Variants in SOX6 observed in about 807,000 individuals in gnomAD.
SOX6 encodes the protein transcription factor SOX-6.
A neutral mutation model predicts 97.8 loss-of-function variants in SOX6; 11 were observed. The ratio of observed to expected loss-of-function variants is 0.11; its 90% CI spans 0.07 to 0.19. The LOEUF is 0.19. SOX6 is among the 10% of genes least tolerant of loss of function. SOX6 has a pLI of 1.00. For synonymous variants in SOX6, 360 were observed against 371.4 expected, an observed-to-expected ratio of 0.97 and a Z score of 0.35; for missense variants, 810 against 1,039.5, an observed-to-expected ratio of 0.78 and a Z score of 3.04.
chr11:16,422,178 GA>G (rs1433268157), intron 1 of SOX6, among the ~76,000 whole-genome samples: 1 of 152,132 alleles, frequency 6.6e-6, no homozygotes, highest in Non-Finnish European at 1.5e-5. Flanking sequence ...TGGGTACATT[GA>G]AATAGTCTTT....
At chr11:16,122,122 C>T (rs1849509469) in intron 6 of SOX6, among the ~76,000 whole-genome samples, 1 of 151,956 alleles carries the variant, frequency 6.6e-6, no homozygotes, top group Non-Finnish European at 1.5e-5. Context: ...CAGCAAATCT[C>T]AATTTTTGCA....
intron 3 of SOX6, among the ~76,000 whole-genome samples, chr11:16,296,395 G>A (rs895111147): frequency 6.6e-6 from 1 of 152,096 alleles, no homozygotes; most frequent in Admixed American, 6.6e-5. Context: ...CACAAGTTGT[G>A]TTGTAATCAA....
chr11:16,171,348 T>C (rs1203948207), intron 6 of SOX6, among the ~76,000 whole-genome samples: 2 of 152,022 alleles, frequency 1.3e-5, no homozygotes, highest in Non-Finnish European at 2.9e-5. Context: ...GAAGCCAGTA[T>C]TGTAGTAGTT....
intron 1 of SOX6, among the ~76,000 whole-genome samples, chr11:16,427,094 C>A (rs965014119): frequency 6.6e-6 from 1 of 151,938 alleles, no homozygotes; most frequent in Non-Finnish European, 1.5e-5. Context: ...ACACCAGAAG[C>A]AATTGCAACA....
chr11:16,717,757 A>C (rs959709903), intron 2 of SOX6, among the ~76,000 whole-genome samples: 1 of 152,116 alleles, frequency 6.6e-6, no homozygotes, highest in Admixed American at 6.6e-5. Flanking sequence ...TCCTTCTAGA[A>C]ATGCACCTAC....
At chr11:16,534,220 T>C (rs1861276237) in intron 4 of SOX6, among the ~76,000 whole-genome samples, 1 of 152,134 alleles carries the variant, frequency 6.6e-6, no homozygotes, top group South Asian at 2.1e-4. Context: ...AGTCTTCATA[T>C]AGAAAAACCT....
chr11:16,055,362 A>G (rs1355806990), intron 10 of SOX6, among the ~76,000 whole-genome samples: 1 of 152,150 alleles, frequency 6.6e-6, no homozygotes, highest in Admixed American at 6.6e-5. Context: ...TAATGTTTCA[A>G]TATCCCAATT....
At position 15,973,061 on chromosome 11, in the gene SOX6, A is replaced by G. The variant is rs759780547; in HGVS notation, c.2235T>C (p.Gly745=). The change falls in exon 16 of 16, where the codon GGT becomes GGC. Residue 745 remains glycine (G), a synonymous_variant. Transcript: ENST00000683767. ...ITTGTGVVYP[G]AITMATTTPS... is the part of the protein sequence containing the mutation. ...GTGTGGTAGTTGCCATAGTGATAGC[A>G]CCAGGATACACAACACCTGTTCCTG... 1 of 1,614,182 alleles carries G rather than the reference A, an allele frequency of 6.2e-7. No individual in the cohort carries two copies. The highest frequency in any genetic ancestry group is 1.1e-5 in the South Asian group (1 of 91,076).
intron 4 of SOX6, among the ~76,000 whole-genome samples, chr11:16,583,614 C>T (rs11601795): frequency 5.3e-4 from 55 of 104,604 alleles, no homozygotes; most frequent in Non-Finnish European, 7.6e-4. Context: ...TATATATATA[C>T]ATATATATAT....
intron 12 of SOX6, among the ~76,000 whole-genome samples, chr11:16,027,913 G>A (rs891200299): frequency 6.6e-6 from 1 of 152,332 alleles, no homozygotes; most frequent in Admixed American, 6.5e-5. Flanking sequence ...TGCTATATCC[G>A]TTTCAAACAT....
chr11:16,381,883 C>T (rs1857832909), intron 1 of SOX6, among the ~76,000 whole-genome samples: 1 of 151,628 alleles, frequency 6.6e-6, no homozygotes, highest in Non-Finnish European at 1.5e-5. Context: ...ATAAAAACAC[C>T]TGAGGGTGAC....
chr11:16,213,319 T>G (rs1399837553), intron 4 of SOX6, among the ~76,000 whole-genome samples: 1 of 152,138 alleles, frequency 6.6e-6, no homozygotes, highest in Non-Finnish European at 1.5e-5. Context: ...AAATCTAATA[T>G]TTTTCTTCTT....
chr11:16,323,254 A>C (rs1383736442), intron 2 of SOX6, among the ~76,000 whole-genome samples: 1 of 152,242 alleles, frequency 6.6e-6, no homozygotes, highest in Admixed American at 6.5e-5. Context: ...GTAGTATCAA[A>C]AATAGTTATT....
intron 3 of SOX6, among the ~76,000 whole-genome samples, chr11:16,293,375 T>C (rs562694337): frequency 6.6e-6 from 1 of 152,320 alleles, no homozygotes; most frequent in Non-Finnish European, 1.5e-5. Context: ...AAGGCTTTGT[T>C]ATTTATAGAA....
chr11:16,145,592 T>C (rs1249600933), intron 6 of SOX6, among the ~76,000 whole-genome samples: 1 of 152,202 alleles, frequency 6.6e-6, no homozygotes, highest in Admixed American at 6.5e-5. Flanking sequence ...GATTGTATAT[T>C]TAGAAAACCC....
intron 1 of SOX6, among the ~76,000 whole-genome samples, chr11:16,426,797 C>T (rs541170357): frequency 3.3e-5 from 5 of 150,046 alleles, no homozygotes; most frequent in African/African-American, 1.2e-4. Context: ...GCCTGTAGTC[C>T]CAGCTACTTG....
intron 7 of SOX6, among the ~76,000 whole-genome samples, chr11:16,104,641 T>A (rs1849029522): frequency 6.6e-6 from 1 of 150,570 alleles, no homozygotes; most frequent in African/African-American, 2.4e-5. Flanking sequence ...TAAATGAGAT[T>A]ACACACATAC....
chr11:16,174,807 C>T (rs990303690), intron 6 of SOX6, among the ~76,000 whole-genome samples: 1 of 151,994 alleles, frequency 6.6e-6, no homozygotes, highest in Non-Finnish European at 1.5e-5. Context: ...CTTTAAAAAG[C>T]TATAAAATAA....
At chr11:16,036,526 C>T (rs889385092) in intron 12 of SOX6, among the ~76,000 whole-genome samples, 1 of 152,152 alleles carries the variant, frequency 6.6e-6, no homozygotes, top group African/African-American at 2.4e-5. Context: ...GATCTATCAT[C>T]ATCACTGGAC....
Sources: gnomAD v4.1 joint callset for allele counts (sites outside exome capture counted in the v4.1 genomes callset) on GRCh38, gnomAD v4.1.1 for gene constraint, MANE v1.5 for transcripts, NCBI Gene and HGNC (gene_info 2026-07-23, HGNC 2026-07-21) for gene names.